Variants in CCDC178 observed in about 807,000 individuals in gnomAD.
CCDC178 encodes coiled-coil domain containing 178, also known as coiled-coil domain-containing protein 178.
In CCDC178, 126 loss-of-function variants were observed where a neutral mutation model predicts 117.4. The observed-to-expected ratio is 1.07, with a 90% CI of 0.93 to 1.24. CCDC178 has a LOEUF of 1.24. CCDC178 is among the 50% of genes most tolerant of loss of function. The pLI is 0.00. For synonymous variants in CCDC178, 283 were observed against 313.4 expected, an observed-to-expected ratio of 0.90 and a Z score of 1.02; for missense variants, 1,030 against 986.9, an observed-to-expected ratio of 1.04 and a Z score of -0.59.
At chr18:33,298,834 C>T (rs1424864911) in intron 11 of CCDC178, among the ~76,000 whole-genome samples, 1 of 151,870 alleles carries the variant, frequency 6.6e-6, no homozygotes. Flanking sequence ...TTTCTATATA[C>T]TAATAAAGAT....
intron 14 of CCDC178, among the ~76,000 whole-genome samples, chr18:33,250,166 C>G (rs1299990852): frequency 6.6e-6 from 1 of 151,604 alleles, no homozygotes; most frequent in African/African-American, 2.4e-5. Flanking sequence ...GAAATGTCAA[C>G]AAATATATGT....
intron 21 of CCDC178, among the ~76,000 whole-genome samples, chr18:33,050,908 A>G (rs1567956871): frequency 6.6e-6 from 1 of 151,972 alleles, no homozygotes; most frequent in African/African-American, 2.4e-5. Context: ...CTGATCATCA[A>G]TTTGTTTGTT....
chr18:33,108,579 A>G (rs2057738118), intron 20 of CCDC178, among the ~76,000 whole-genome samples: 1 of 151,634 alleles, frequency 6.6e-6, no homozygotes, highest in South Asian at 2.1e-4. Context: ...CCCTTAAAAT[A>G]AATTTATTTA....
At chr18:33,044,369 A>G (rs1462639284) in intron 21 of CCDC178, among the ~76,000 whole-genome samples, 1 of 152,096 alleles carries the variant, frequency 6.6e-6, no homozygotes, top group Admixed American at 6.6e-5. Flanking sequence ...TACCAATGTC[A>G]CTTTTTAACA....
At chr18:32,996,246 G>T (rs927879287) in intron 21 of CCDC178, among the ~76,000 whole-genome samples, 1 of 151,768 alleles carries the variant, frequency 6.6e-6, no homozygotes, top group African/African-American at 2.4e-5. Context: ...TAGTAATAAA[G>T]TTACAAAACT....
intron 6 of CCDC178, among the ~76,000 whole-genome samples, chr18:33,357,565 T>C (rs1168299937): frequency 6.6e-6 from 1 of 152,158 alleles, no homozygotes; most frequent in Non-Finnish European, 1.5e-5. Context: ...AAATTATACC[T>C]GAGTTCACAT....
At chr18:33,350,274 A>AT (rs1372489931) in intron 7 of CCDC178, among the ~76,000 whole-genome samples, 3 of 151,980 alleles carry the variant, frequency 2.0e-5, no homozygotes, top group Non-Finnish European at 4.4e-5. Context: ...TAATTTTTCT[A>AT]TTTTTTTAAT....
intron 21 of CCDC178, among the ~76,000 whole-genome samples, chr18:33,048,859 CT>C (rs1196854154): frequency 6.6e-6 from 1 of 152,136 alleles, no homozygotes; most frequent in Non-Finnish European, 1.5e-5. Flanking sequence ...AAAATTCTCT[CT>C]TTAACTTTAT....
At chr18:33,090,490 A>C (rs943181754) in intron 21 of CCDC178, among the ~76,000 whole-genome samples, 4 of 152,200 alleles carry the variant, frequency 2.6e-5, no homozygotes, top group Admixed American at 2.0e-4. Context: ...AAGAACTAAA[A>C]CCTGCATACA....
intron 21 of CCDC178, among the ~76,000 whole-genome samples, chr18:33,055,757 T>A (rs527780813): frequency 6.6e-6 from 1 of 152,028 alleles, no homozygotes; most frequent in East Asian, 1.9e-4. Flanking sequence ...TACCACCAAC[T>A]CTTATGCAAC....
intron 10 of CCDC178, 43 bp downstream of exon 10, chr18:33,333,131 C>G: frequency 8.3e-7 from 1 of 1,206,310 alleles, no homozygotes; most frequent in Non-Finnish European, 1.2e-6. Context: ...TTTTGCATAA[C>G]TAAGTAATAA....
At chr18:33,083,608 T>A (rs2057332239) in intron 21 of CCDC178, among the ~76,000 whole-genome samples, 2 of 152,220 alleles carry the variant, frequency 1.3e-5, no homozygotes, top group South Asian at 2.1e-4. Flanking sequence ...TTGTATTTTT[T>A]AAAATATTCA....
At chr18:33,330,717 A>C (rs376496581) in intron 10 of CCDC178, among the ~76,000 whole-genome samples, 2 of 152,102 alleles carry the variant, frequency 1.3e-5, no homozygotes, top group East Asian at 1.9e-4. Context: ...TTGGCAGGCT[A>C]AAGACCCAGG....
intron 20 of CCDC178, among the ~76,000 whole-genome samples, chr18:33,157,734 T>C (rs1376965678): frequency 2.6e-5 from 4 of 152,178 alleles, no homozygotes; most frequent in Non-Finnish European, 4.4e-5. Flanking sequence ...ATCTCGCTTA[T>C]GGCTTTTTAG....
intron 11 of CCDC178, among the ~76,000 whole-genome samples, chr18:33,303,122 G>A: frequency 6.6e-6 from 1 of 152,104 alleles, no homozygotes; most frequent in Non-Finnish European, 1.5e-5. Flanking sequence ...CATACCCCAT[G>A]AGTATATACA....
At chr18:33,180,701 T>A (rs1458146397) in intron 20 of CCDC178, among the ~76,000 whole-genome samples, 1 of 152,030 alleles carries the variant, frequency 6.6e-6, no homozygotes, top group Admixed American at 6.6e-5. Context: ...ACATATGCCA[T>A]CACAAAACAG....
intron 2 of CCDC178, among the ~76,000 whole-genome samples, chr18:33,437,356 T>C (rs1022901301): frequency 9.2e-5 from 14 of 152,216 alleles, no homozygotes; most frequent in Non-Finnish European, 1.9e-4. Flanking sequence ...CCATGCAAAC[T>C]ATAACTTGTT....
chr18:33,151,461 CTT>C (rs1185178719), intron 20 of CCDC178, among the ~76,000 whole-genome samples: 21 of 152,068 alleles, frequency 1.4e-4, no homozygotes, highest in African/African-American at 4.3e-4. Context: ...ACAAACAAGA[CTT>C]TGCAGAAAAC....
chr18:33,281,998 T>G (rs2060031855), intron 12 of CCDC178, among the ~76,000 whole-genome samples: 1 of 152,196 alleles, frequency 6.6e-6, no homozygotes. Context: ...ATGGAGGCAC[T>G]GAGACTACTG....
Sources: gnomAD v4.1 joint callset for allele counts (sites outside exome capture counted in the v4.1 genomes callset) on GRCh38, gnomAD v4.1.1 for gene constraint, MANE v1.5 for transcripts, NCBI Gene and HGNC (gene_info 2026-07-23, HGNC 2026-07-21) for gene names.